The following KIF20B variants were observed in gnomAD, a reference collection of about 807,000 sequenced individuals.
KIF20B encodes kinesin-like protein KIF20B.
In KIF20B, 188 loss-of-function variants were observed where a neutral mutation model predicts 232.5. That is an observed-to-expected ratio of 0.81 (90% CI 0.72 to 0.91). The LOEUF (loss-of-function observed/expected upper bound fraction) is 0.91, where lower values mean the gene tolerates loss of function less well. KIF20B is among the 40% of genes least tolerant of loss of function. The probability of loss-of-function intolerance (pLI) is 0.00; values close to 1 mark genes in which losing one functional copy is unlikely to be tolerated. For synonymous variants in KIF20B, 712 were observed against 683.0 expected (o/e 1.04, Z -0.66); for missense variants, 2,154 against 2,055.9 (o/e 1.05, Z -0.92).
intron 21 of KIF20B, among the ~76,000 whole-genome samples, chr10:89,740,444 C>T (rs1408013281): frequency 6.6e-6 from 1 of 152,102 alleles, no homozygotes; most frequent in African/African-American, 2.4e-5. Context: ...AAGTGGGACA[C>T]TCTCTGAACC....
Position 89,719,407 on chromosome 10 carries a change from A to G in KIF20B, c.1435-12A>G, listed in dbSNP as rs2133098545. 1 of 1,528,948 alleles carries G rather than the reference A, an allele frequency of 6.5e-7. No individual in the cohort carries two copies. The highest frequency in any genetic ancestry group is 8.8e-7 in the Non-Finnish European group (1 of 1,137,336). The allele number at this position is 1,528,948 out of a possible 1,614,324, so 94.7% of individuals were successfully genotyped here. On this transcript the variant is annotated splice_polypyrimidine_tract_variant and intron_variant, in intron 12 of 32. Coordinates refer to ENST00000371728, the MANE Select transcript of KIF20B (RefSeq NM_001284259.2). ...TTTTCTGTTTTAAAAGTCACATTGA[A>G]TATTTTAACAGGTTTGTGTCCCAGA...
rs371085455 is a variant in KIF20B, at chr10:89,724,093, G to A, written c.1852G>A (p.Ala618Thr). 2.0e-6 allele frequency: 3 copies of A among 1,487,146 alleles called. No homozygotes were observed. The highest frequency in any genetic ancestry group is 2.7e-6 in the Non-Finnish European group (3 of 1,123,646). 92.1% of individuals were successfully genotyped at this position (1,487,146 alleles called of 1,614,324 possible). The change falls in exon 14 of 33, where the codon GCT becomes ACT. Residue 618 changes from alanine to threonine, a missense_variant. Transcript: ENST00000371728. ...TACTCAGTATTGGGCTCAACGGGAA[G>A]CTGACTTTAAGTAAGTTATTTATTT... is the stretch of plus-strand genomic sequence containing the variant. Reference protein sequence around the residue: ...EFTQYWAQREADFKETLLQER... With the variant: ...EFTQYWAQRETDFKETLLQER...
chr10:89,707,114 T>C (rs1467673256), intron 2 of KIF20B, among the ~76,000 whole-genome samples: 1 of 152,182 alleles, frequency 6.6e-6, no homozygotes, highest in East Asian at 1.9e-4. Flanking sequence ...TTCGTGTCTT[T>C]TGTCAAATAT....
chr10:89,750,779 A>G (rs906218560), intron 23 of KIF20B, among the ~76,000 whole-genome samples: 5 of 152,148 alleles, frequency 3.3e-5, no homozygotes, highest in Non-Finnish European at 7.4e-5. Context: ...TGTTATTACT[A>G]GCTTTTCAAA....
At position 89,745,413 on chromosome 10, in the gene KIF20B, C is replaced by T. The variant is rs562649576; in HGVS notation, c.4036-486C>T. ...TGGCACACGCCTATAATCCCAGTTA[C>T]TCAGGAGGCTGAGGCAGGAGAATCG... On this transcript the variant is annotated intron_variant, in intron 22 of 32. Transcript: ENST00000371728. Among the ~76,000 whole-genome samples the T allele has an allele frequency of 3.9e-5, 6 of 152,206 alleles. 1 individual carries two copies. The South Asian group carries it at 1.2e-3, about 32-fold the overall frequency.
chr10:89,717,839 G>C (rs1479227779), intron 11 of KIF20B, 117 bp downstream of exon 11: 1 of 611,592 alleles, frequency 1.6e-6, no homozygotes, highest in African/African-American at 1.9e-5. Context: ...TGTAATGACT[G>C]TGTATAGATT....
At position 89,737,084 on chromosome 10, in the gene KIF20B, A is replaced by G. The variant is rs148666218; in HGVS notation, c.2546-303A>G. On this transcript the variant is annotated intron_variant, in intron 19 of 32. Coordinates refer to ENST00000371728, the MANE Select transcript of KIF20B (RefSeq NM_001284259.2). ...TAAAGATTTGTGGTACAAAATTTAA[A>G]TAATACTGAAAGTTAGAAATAGCTG... is the stretch of plus-strand genomic sequence containing the variant. Among the ~76,000 whole-genome samples, 261 of 152,244 alleles carry G rather than the reference A, an allele frequency of 1.7e-3. 1 individual carries two copies. The highest frequency in any genetic ancestry group is 5.3e-3 in the African/African-American group (220 of 41,572).
chr10:89,752,414 A>T (rs1431319690), intron 24 of KIF20B, among the ~76,000 whole-genome samples, 153 bp from the exon 25 acceptor site: 1 of 152,096 alleles, frequency 6.6e-6, no homozygotes, highest in African/African-American at 2.4e-5. Context: ...AGAACTCCTA[A>T]AAGTTAAACT....
chr10:89,719,527 G>A lies in KIF20B; in HGVS notation c.1543G>A (p.Val515Ile), dbSNP rs1843004387. ...DSNSNSKILN[V>I]KRATISWENS... ...TAATTCAAACAGTAAAATATTAAAT[G>A]TAAAAAGAGCCACCATTTCATGGGA... The change falls in exon 13 of 33, where the codon GTA becomes ATA. Residue 515 changes from valine (V) to isoleucine (I), a missense_variant. Coordinates refer to ENST00000371728, the MANE Select transcript of KIF20B (RefSeq NM_001284259.2). The A allele has an allele frequency of 6.2e-7, 1 of 1,612,414 alleles. No homozygotes were observed. Among genetic ancestry groups the A allele is most frequent in the Non-Finnish European group, 8.5e-7 (1 of 1,178,866 alleles).
At chr10:89,715,370 C>G (rs1285097544) in intron 8 of KIF20B, among the ~76,000 whole-genome samples, 188 bp downstream of exon 8, 2 of 152,022 alleles carry the variant, frequency 1.3e-5, no homozygotes. Context: ...ATAAAAGGGT[C>G]TATTTTGGTA....
At chr10:89,713,943 GGTT>G (rs1842885278) in intron 6 of KIF20B, 101 bp from the exon 7 acceptor site, 1 of 445,990 alleles carries the variant, frequency 2.2e-6, no homozygotes, top group African/African-American at 2.1e-5. Context: ...GTAGATGAAA[GGTT>G]GTGATTTGGT....
chr10:89,724,690 C>A (rs922708131), intron 14 of KIF20B, among the ~76,000 whole-genome samples: 6 of 152,088 alleles, frequency 3.9e-5, no homozygotes, highest in Non-Finnish European at 5.9e-5. Flanking sequence ...CAACCTGCAC[C>A]TCCTGGGTTC....
rs34325599 is a variant in KIF20B, at chr10:89,757,040, G to GTATATATA, written c.4504-1643_4504-1636dup. ...ATCTCTGTTGTGTGTGTGTGTGTGT[G>GTATATATA]TATATATATATATATATATATATAT... On this transcript the variant is annotated intron_variant, in intron 26 of 32. Coordinates refer to ENST00000371728, the MANE Select transcript of KIF20B (RefSeq NM_001284259.2). Among the ~76,000 whole-genome samples, 441 of 110,724 alleles carry GTATATATA rather than the reference G, an allele frequency of 4.0e-3. 2 individuals carry two copies. Among genetic ancestry groups the GTATATATA allele is most frequent in the Middle Eastern group, 9.6e-3 (2 of 208 alleles). The allele number at this position is 110,724 out of a possible 152,430, so 72.6% of individuals were successfully genotyped here.
chr10:89,757,040 G>GTGTGTATATATATATATATATA (rs1301847520), intron 26 of KIF20B, among the ~76,000 whole-genome samples: 1 of 110,752 alleles, frequency 9.0e-6, no homozygotes. Context: ...GTGTGTGTGT[G>GTGTGTATATATATATATATATA]TATATATATA....
chr10:89,747,805 G>T (rs1841946731), intron 23 of KIF20B, among the ~76,000 whole-genome samples: 1 of 152,006 alleles, frequency 6.6e-6, no homozygotes, highest in African/African-American at 2.4e-5. Context: ...GTTAGTGGGT[G>T]CAGCGCACCA....
chr10:89,737,790 A>G lies in KIF20B; in HGVS notation c.2949A>G (p.Lys983=). 2 of 1,612,766 alleles carry G rather than the reference A, an allele frequency of 1.2e-6. No homozygotes were observed. Among genetic ancestry groups the G allele is most frequent in the Non-Finnish European group, 1.7e-6 (2 of 1,179,252 alleles). The change falls in exon 20 of 33, where the codon AAA becomes AAG. Residue 983 remains lysine, a synonymous_variant. Transcript: ENST00000371728. Reference sequence around the variant, plus strand: ...TTACAAATAATGTTTCACAAATAAAATTAATGCACACGAAAATAGACGAAC... The same window carrying G: ...TTACAAATAATGTTTCACAAATAAAGTTAATGCACACGAAAATAGACGAAC... ...RSITNNVSQI[K]LMHTKIDELR...
intron 13 of KIF20B, among the ~76,000 whole-genome samples, chr10:89,720,014 A>C (rs531920402): frequency 6.6e-6 from 1 of 152,308 alleles, no homozygotes; most frequent in East Asian, 1.9e-4. Flanking sequence ...TTTTTCTAAG[A>C]ACATGGGCAT....
At chr10:89,708,391 A>G (rs1842770174) in intron 2 of KIF20B, among the ~76,000 whole-genome samples, 1 of 151,998 alleles carries the variant, frequency 6.6e-6, no homozygotes, top group Non-Finnish European at 1.5e-5. Flanking sequence ...TTGTATTTTT[A>G]GTTGAGATGG....
chr10:89,753,388 T>C (rs914087054), intron 25 of KIF20B, among the ~76,000 whole-genome samples: 4 of 152,198 alleles, frequency 2.6e-5, no homozygotes, highest in African/African-American at 9.6e-5. Flanking sequence ...ACTACTTTTT[T>C]TGTTACATAT....
Sources: gnomAD v4.1 joint callset for allele counts (sites outside exome capture counted in the v4.1 genomes callset) on GRCh38, gnomAD v4.1.1 for gene constraint, MANE v1.5 for transcripts, NCBI Gene and HGNC (gene_info 2026-07-23, HGNC 2026-07-21) for gene names.